The following BTAF1 variants were observed in gnomAD, a reference collection of about 807,000 sequenced individuals.
The protein encoded by BTAF1 is B-TFIID TATA-box binding protein associated factor 1, also known as TATA-binding protein-associated factor 172.
BTAF1 carries 38 observed loss-of-function variants against 227.1 expected under a neutral mutation model. The observed-to-expected ratio is 0.17, with a 90% CI of 0.13 to 0.22. The LOEUF is 0.22. Among genes scored for constraint, BTAF1 ranks in the 10% least tolerant of loss-of-function variants. The pLI, the probability that BTAF1 is intolerant of heterozygous loss-of-function variation, is 1.00. For missense variants in BTAF1, 1,598 were observed against 2,204.0 expected, an observed-to-expected ratio of 0.73 and a Z score of 5.51; for synonymous variants, 742 against 751.9, an observed-to-expected ratio of 0.99 and a Z score of 0.21.
chr10:92,014,132 A>G (rs1267075523), intron 32 of BTAF1, 103 bp downstream of exon 32: 5 of 1,236,700 alleles, frequency 4.0e-6, no homozygotes, highest in African/African-American at 1.5e-5. Context: ...CTTTGGCTTT[A>G]TCAGATGCAG....
In BTAF1 at chr10:91,960,073, G is replaced by A; in HGVS notation, c.1182G>A (p.Leu394=). ...ETGVHKTVDV[L]LKLLTQEQWE... ...GAGTTCATAAGACTGTGGATGTGCT[G>A]CTAAAATTACTTACACAAGAACAAT... Residue 394 remains leucine (L), a synonymous_variant, in exon 11 of 38, where the codon CTG becomes CTA. Transcript: ENST00000265990. 1 of 1,613,858 alleles carries A rather than the reference G, an allele frequency of 6.2e-7. No individual in the cohort carries two copies. Among genetic ancestry groups the A allele is most frequent in the Non-Finnish European group, 8.5e-7 (1 of 1,179,852 alleles).
chr10:91,942,089 G>A (rs1053492620), intron 3 of BTAF1, among the ~76,000 whole-genome samples: 1 of 152,134 alleles, frequency 6.6e-6, no homozygotes, highest in East Asian at 1.9e-4. Context: ...CCAGCCTGGG[G>A]CAAGATGGTG....
At chr10:92,007,337 G>A (rs951475614) in intron 25 of BTAF1, among the ~76,000 whole-genome samples, 2 of 149,348 alleles carry the variant, frequency 1.3e-5, no homozygotes, top group Non-Finnish European at 3.0e-5. Flanking sequence ...TCCTGCCAGC[G>A]TGGGGTAGCT....
intron 19 of BTAF1, 51 bp downstream of exon 19, chr10:91,984,455 T>G: frequency 6.8e-7 from 1 of 1,463,804 alleles, no homozygotes; most frequent in Non-Finnish European, 9.3e-7. Flanking sequence ...GAAATATAGG[T>G]TAGAAATTTG....
intron 25 of BTAF1, among the ~76,000 whole-genome samples, chr10:91,998,814 G>T (rs1050275231): frequency 2.0e-5 from 3 of 152,160 alleles, no homozygotes; most frequent in African/African-American, 7.2e-5. Flanking sequence ...ACTTTGGGAG[G>T]CCACAGTGGG....
intron 14 of BTAF1, among the ~76,000 whole-genome samples, chr10:91,973,828 C>T (rs936682921): frequency 8.7e-5 from 12 of 138,680 alleles, no homozygotes; most frequent in Non-Finnish European, 1.8e-4. Context: ...GGCGTGAACC[C>T]GGGAGGCGGA....
chr10:92,008,391 TG>T (rs1313374841), intron 26 of BTAF1, 116 bp downstream of exon 26: 2 of 979,640 alleles, frequency 2.0e-6, no homozygotes, highest in Admixed American at 7.3e-5. Flanking sequence ...TTGCCCAGGC[TG>T]GGGTGCAGTG....
intron 32 of BTAF1, among the ~76,000 whole-genome samples, chr10:92,014,501 A>G (rs543479036): frequency 7.9e-5 from 12 of 152,190 alleles, no homozygotes; most frequent in East Asian, 1.9e-4. Flanking sequence ...TGCTGGGATT[A>G]TAGGTGTGAG....
At chr10:91,935,561 T>TCGGTGGTCGCCGTA in intron 1 of BTAF1, 96 bp from the exon 2 acceptor site, 1 of 1,346,808 alleles carries the variant, frequency 7.4e-7, no homozygotes, top group Non-Finnish European at 1.0e-6. Flanking sequence ...AGCGTAGGTC[T>TCGGTGGTCGCCGTA]TCATTCATAG....
chr10:91,966,470 A>G (rs764770831), intron 13 of BTAF1, among the ~76,000 whole-genome samples, 167 bp from the exon 14 acceptor site: 11 of 152,166 alleles, frequency 7.2e-5, no homozygotes, highest in Non-Finnish European at 1.5e-4. Context: ...TGTGAATGAC[A>G]TTGTTACATG....
At chr10:92,011,535 T>G in intron 30 of BTAF1, 120 bp downstream of exon 30, 1 of 380,758 alleles carries the variant, frequency 2.6e-6, no homozygotes. Flanking sequence ...GTTGTTATAG[T>G]AATGATAATT....
intron 34 of BTAF1, among the ~76,000 whole-genome samples, chr10:92,024,527 AAATT>A (rs1436876656): frequency 6.6e-6 from 1 of 152,114 alleles, no homozygotes; most frequent in Non-Finnish European, 1.5e-5. Flanking sequence ...TCTATAAAAA[AAATT>A]AAATGAAAAC....
intron 1 of BTAF1, 40 bp from the exon 2 acceptor site, chr10:91,935,617 A>C (rs1320414616): frequency 5.0e-6 from 8 of 1,603,840 alleles, no homozygotes; most frequent in Non-Finnish European, 6.0e-6. Context: ...CATACGAGGA[A>C]AAGCATTTGA....
chr10:91,964,442 T>C (rs1368547191), intron 13 of BTAF1, among the ~76,000 whole-genome samples: 4 of 152,186 alleles, frequency 2.6e-5, no homozygotes, highest in African/African-American at 4.8e-5. Context: ...CATCGTCTTG[T>C]TCGTCTTATA....
At chr10:92,000,162 A>G (rs1379837922) in intron 25 of BTAF1, among the ~76,000 whole-genome samples, 2 of 152,238 alleles carry the variant, frequency 1.3e-5, no homozygotes, top group Admixed American at 6.5e-5. Flanking sequence ...CCACAGTATC[A>G]AAATACCTAG....
At chr10:92,003,715 A>G (rs1476735026) in intron 25 of BTAF1, among the ~76,000 whole-genome samples, 1 of 152,226 alleles carries the variant, frequency 6.6e-6, no homozygotes. Flanking sequence ...GAACACAGAA[A>G]TACAGATATC....
chr10:91,940,731 C>G (rs1323531785), intron 3 of BTAF1, among the ~76,000 whole-genome samples: 1 of 151,872 alleles, frequency 6.6e-6, no homozygotes, highest in Non-Finnish European at 1.5e-5. Context: ...GTCACCCAGG[C>G]TGGAGTGCAG....
At chr10:91,929,029 G>T (rs564871276) in intron 1 of BTAF1, among the ~76,000 whole-genome samples, 1 of 152,074 alleles carries the variant, frequency 6.6e-6, no homozygotes, top group African/African-American at 2.4e-5. Context: ...GCCCAGGCTG[G>T]TTGCAAACTC....
chr10:91,984,216 A>G lies in BTAF1; in HGVS notation c.2239A>G (p.Thr747Ala), dbSNP rs977157525. ...AALQKECKAV[T>A]LAVQPRLLDI... is the part of the protein sequence containing the mutation. Reference sequence around the variant, plus strand: ...TGTATTTTAGGAGTGTAAAGCTGTTACCTTAGCTGTGCAGCCGCGTTTACT... The same window carrying G: ...TGTATTTTAGGAGTGTAAAGCTGTTGCCTTAGCTGTGCAGCCGCGTTTACT... Residue 747 changes from threonine to alanine, a missense_variant, in exon 19 of 38, where the codon ACC becomes GCC. By Grantham distance (58) the Thr-to-Ala change is moderately conservative. Transcript: ENST00000265990. 6.2e-7 allele frequency: 1 copy of G among 1,613,794 alleles called. No homozygotes were observed. The highest frequency in any genetic ancestry group is 1.7e-5 in the Admixed American group (1 of 60,016).
Sources: allele counts gnomAD v4.1 joint callset (sites outside exome capture counted in the v4.1 genomes callset), GRCh38; gene constraint gnomAD v4.1.1; transcripts MANE v1.5; gene names NCBI Gene and HGNC (gene_info 2026-07-23, HGNC 2026-07-21).